TMF1: variants seen among roughly 807,000 people sequenced by gnomAD.
TMF1 encodes the protein TATA element modulatory factor.
In TMF1, 71 loss-of-function variants were observed where a neutral mutation model predicts 126.5. The ratio of observed to expected loss-of-function variants is 0.56; its 90% CI spans 0.46 to 0.68. The LOEUF (loss-of-function observed/expected upper bound fraction) is 0.68, where lower values mean the gene tolerates loss of function less well. TMF1 is among the 30% of genes least tolerant of loss of function. TMF1 has a pLI of 0.00. For missense variants in TMF1, 1,259 were observed against 1,253.2 expected (o/e 1.00, Z -0.07); for synonymous variants, 461 against 430.5 (o/e 1.07, Z -0.88).
chr3:69,051,823 G>A (rs1188653480), intron 1 of TMF1, 122 bp downstream of exon 1: 6 of 1,203,852 alleles, frequency 5.0e-6, no homozygotes, highest in Non-Finnish European at 6.8e-6. Flanking sequence ...ACGGGCCGGG[G>A]AGAAATTACT....
intron 2 of TMF1, among the ~76,000 whole-genome samples, 183 bp downstream of exon 2, chr3:69,047,175 G>GAA (rs1348579150): frequency 6.6e-6 from 1 of 152,144 alleles, no homozygotes; most frequent in Non-Finnish European, 1.5e-5. Flanking sequence ...TTGCCTTGGA[G>GAA]AAATTCCAAA....
At chr3:69,045,057 A>G (rs1285260045) in intron 2 of TMF1, among the ~76,000 whole-genome samples, 1 of 152,268 alleles carries the variant, frequency 6.6e-6, no homozygotes, top group African/African-American at 2.4e-5. Context: ...GAGGAAATTT[A>G]AAGCCTCTAT....
At position 69,048,196 on chromosome 3, in the gene TMF1, G is replaced by A; in HGVS notation, c.509C>T (p.Ser170Leu). Residue 170 changes from serine to leucine, a missense_variant, in exon 2 of 17, where the codon TCA becomes TTA. Coordinates refer to ENST00000398559, the MANE Select transcript of TMF1 (RefSeq NM_007114.3). Reference protein sequence around the residue: ...SGETLAAGTSSPKTEGKHEET... With the variant: ...SGETLAAGTSLPKTEGKHEET... ...TTCGTGCTTGCCTTCAGTTTTAGGT[G>A]ATGAAGTACCTGCTGCCAGAGTTTC... 2 of 1,614,190 alleles carry A rather than the reference G, an allele frequency of 1.2e-6. No homozygotes were observed.
intron 13 of TMF1, among the ~76,000 whole-genome samples, chr3:69,027,662 A>G (rs1254258915): frequency 6.6e-6 from 1 of 150,658 alleles, no homozygotes; most frequent in Admixed American, 6.6e-5. Flanking sequence ...AAAATATACT[A>G]ACAATAGCTG....
At chr3:69,042,698 A>C (rs1325624736) in intron 5 of TMF1, 109 bp downstream of exon 5, 13 of 895,900 alleles carry the variant, frequency 1.5e-5, no homozygotes, top group Non-Finnish European at 2.2e-5. Flanking sequence ...TTACGTCCAA[A>C]CCCTCCTTGC....
chr3:69,033,934 G>A (rs1176608543), intron 9 of TMF1: 13 of 334,388 alleles, frequency 3.9e-5, no homozygotes, highest in Non-Finnish European at 7.0e-5. Flanking sequence ...AGGCTCAAGC[G>A]ATCCTCCCAG....
At chr3:69,049,622 A>G (rs1234599713) in intron 1 of TMF1, among the ~76,000 whole-genome samples, 2 of 152,172 alleles carry the variant, frequency 1.3e-5, no homozygotes, top group Non-Finnish European at 1.5e-5. Context: ...GTGTTTTTTT[A>G]AGAACTATTG....
chr3:69,025,949 T>G (rs749221070), intron 14 of TMF1, 47 bp downstream of exon 14: 8 of 1,471,860 alleles, frequency 5.4e-6, no homozygotes, highest in Admixed American at 1.9e-5. Context: ...CATATTTCCT[T>G]TATTATTATT....
chr3:69,039,196 G>A lies in TMF1; in HGVS notation c.1828-187C>T, dbSNP rs546050353. ...TGCCTCCCAGCTTCAGGCAATTTTC[G>A]TGCCTTAGCCTCCCAAGTAGCTGGG... On this transcript the variant is annotated intron_variant, in intron 6 of 16. Transcript: ENST00000398559. Among the ~76,000 whole-genome samples, 30 of 152,112 alleles carry A rather than the reference G, an allele frequency of 2.0e-4. No homozygotes were observed. The South Asian group carries it at 5.8e-3, about 29-fold the overall frequency.
Position 69,029,885 on chromosome 3 carries a change from T to C in TMF1, c.2524A>G (p.Asn842Asp). The C allele has an allele frequency of 6.2e-7, 1 of 1,614,152 alleles. No homozygotes were observed. The highest frequency in any genetic ancestry group is 8.5e-7 in the Non-Finnish European group (1 of 1,180,016). ...TCTAGCTGGGCTTGAAATCTACTGTTTTCCTGTCTTAAAAGAGAATTCTGT... is the reference window on the plus strand; with the variant it reads ...TCTAGCTGGGCTTGAAATCTACTGTCTTCCTGTCTTAAAAGAGAATTCTGT... ...ESQNSLLRQENSRFQAQLESE... is the reference protein window; with the variant it reads ...ESQNSLLRQEDSRFQAQLESE... The change falls in exon 11 of 17, where the codon AAC becomes GAC. Residue 842 changes from asparagine (N) to aspartate (D), a missense_variant. By Grantham distance (23) the Asn-to-Asp change is conservative. Coordinates refer to ENST00000398559, the MANE Select transcript of TMF1 (RefSeq NM_007114.3).
Position 69,044,499 on chromosome 3 carries a change from G to C in TMF1, c.1444C>G (p.Leu482Val). 6.4e-7 allele frequency: 1 copy of C among 1,572,664 alleles called. No individual in the cohort carries two copies. Reference protein sequence around the residue: ...KALLEEAFDNLKDEMFRVKEE... With the variant: ...KALLEEAFDNVKDEMFRVKEE... ...CATTTGCAGAATACTTACTCTTTCA[G>C]GTTATCAAAAGCTTCTTCTAGAAGT... Residue 482 changes from leucine (L) to valine (V), a missense_variant, in exon 3 of 17, where the codon CTG (leucine) becomes GTG (valine). Transcript: ENST00000398559.
At chr3:69,044,419 A>G in intron 3 of TMF1, 73 bp downstream of exon 3, 1 of 781,722 alleles carries the variant, frequency 1.3e-6, no homozygotes, top group Non-Finnish European at 2.0e-6. Flanking sequence ...TTTCAAAAAC[A>G]TTCTTAAATA....
intron 10 of TMF1, 90 bp from the exon 11 acceptor site, chr3:69,030,097 G>C: frequency 2.6e-6 from 3 of 1,137,076 alleles, no homozygotes; most frequent in Non-Finnish European, 3.7e-6. Flanking sequence ...ATTTAATGAT[G>C]CAAGTAGCCA....
intron 14 of TMF1, 32 bp downstream of exon 14, chr3:69,025,964 G>A: frequency 6.6e-7 from 1 of 1,521,606 alleles, no homozygotes; most frequent in Non-Finnish European, 9.1e-7. Flanking sequence ...ATTATTCTAA[G>A]AACTAAGCAC....
rs756864910 is a variant in TMF1, at chr3:69,027,951, A to C, written c.2706T>G (p.Val902=). 11 of 1,585,472 alleles carry C rather than the reference A, an allele frequency of 6.9e-6. No homozygotes were observed. The highest frequency in any genetic ancestry group is 1.7e-5 in the Admixed American group (1 of 59,104). Residue 902 remains valine (V), a synonymous_variant, in exon 13 of 17, where the codon GTT becomes GTG. Coordinates refer to ENST00000398559, the MANE Select transcript of TMF1 (RefSeq NM_007114.3). The part of the protein sequence containing the change: ...NSQLEMERMK[V]EQERKKAIFT... ...AAATGGCTTTCTTCCTTTCTTGTTC[A>C]ACTTTCATTCTTTCCATTTCTAACT...
At chr3:69,025,517 A>T in intron 15 of TMF1, 43 bp downstream of exon 15, 1 of 1,568,920 alleles carries the variant, frequency 6.4e-7, no homozygotes, top group Non-Finnish European at 8.7e-7. Flanking sequence ...ATTAGGCCTC[A>T]AAACTTCATT....
At chr3:69,026,963 C>A (rs1007221763) in intron 13 of TMF1, among the ~76,000 whole-genome samples, 1 of 152,108 alleles carries the variant, frequency 6.6e-6, no homozygotes, top group South Asian at 2.1e-4. Context: ...CACGGTAATT[C>A]TTTCAATACA....
Position 69,051,218 on chromosome 3 carries a change from T to C in TMF1, c.142+727A>G, listed in dbSNP as rs147330730. On this transcript the variant is annotated intron_variant, in intron 1 of 16. Coordinates refer to ENST00000398559, the MANE Select transcript of TMF1 (RefSeq NM_007114.3). ...AAAAAGCACATTACAGGCTCGTGCC[T>C]GTAATCCCAGCACTTTAGGAGGCCG... is the stretch of plus-strand genomic sequence containing the variant. 6.0e-3 allele frequency among the ~76,000 whole-genome samples: 912 copies of C among 152,262 alleles called. 12 individuals are homozygous for C. Among genetic ancestry groups the C allele is most frequent in the African/African-American group, 0.021 (874 of 41,542 alleles).
chr3:69,034,002 AC>A (rs1404337144), intron 9 of TMF1: 1 of 189,412 alleles, frequency 5.3e-6, no homozygotes, highest in Non-Finnish European at 1.1e-5. Context: ...TTTTGTAGAG[AC>A]GAGGTTTCAT....
Sources: allele counts gnomAD v4.1 joint callset (sites outside exome capture counted in the v4.1 genomes callset), GRCh38; gene constraint gnomAD v4.1.1; transcripts MANE v1.5; gene names NCBI Gene and HGNC (gene_info 2026-07-23, HGNC 2026-07-21).